The following PCDH15 variants were observed in gnomAD, a reference collection of about 807,000 sequenced individuals.
The protein encoded by PCDH15 is protocadherin related 15.
PCDH15 carries 129 observed loss-of-function variants against 178.5 expected under a neutral mutation model. The observed-to-expected ratio is 0.72, with a 90% CI of 0.63 to 0.84. The LOEUF is 0.84. Among genes scored for constraint, PCDH15 ranks in the 40% least tolerant of loss-of-function variants. The probability of loss-of-function intolerance (pLI) is 0.00; values close to 1 mark genes in which losing one functional copy is unlikely to be tolerated. For missense variants in PCDH15, 2,230 were observed against 2,099.9 expected, an observed-to-expected ratio of 1.06 and a Z score of -1.21; for synonymous variants, 800 against 732.0, an observed-to-expected ratio of 1.09 and a Z score of -1.50.
At chr10:54,593,690 T>C (rs2092028328) in intron 2 of PCDH15, among the ~76,000 whole-genome samples, 1 of 152,136 alleles carries the variant, frequency 6.6e-6, no homozygotes, top group South Asian at 2.1e-4. Context: ...TTTTAGAATT[T>C]TTTTTCCTAT....
chr10:53,831,232 C>G, intron 30 of PCDH15, 83 bp downstream of exon 30: 1 of 1,263,182 alleles, frequency 7.9e-7, no homozygotes, highest in South Asian at 1.2e-5. Context: ...CAATATTTTA[C>G]AACGCAAAGC....
intron 2 of PCDH15, among the ~76,000 whole-genome samples, chr10:55,159,377 A>C (rs376509744): frequency 1.5e-4 from 1 of 6,760 alleles, no homozygotes. Context: ...ATCTATATAT[A>C]TATATATATA....
intron 21 of PCDH15, among the ~76,000 whole-genome samples, chr10:53,963,999 C>T (rs1299170798): frequency 6.6e-6 from 1 of 152,148 alleles, no homozygotes; most frequent in Non-Finnish European, 1.5e-5. Flanking sequence ...TTTGCCTACT[C>T]ATCTGATTTC....
At chr10:53,853,100 C>T (rs887667995) in intron 28 of PCDH15, among the ~76,000 whole-genome samples, 1 of 151,736 alleles carries the variant, frequency 6.6e-6, no homozygotes. Flanking sequence ...AGAAATATTT[C>T]TGCTTAAGAA....
At chr10:54,099,093 C>A in intron 15 of PCDH15, among the ~76,000 whole-genome samples, 1 of 152,222 alleles carries the variant, frequency 6.6e-6, no homozygotes, top group South Asian at 2.1e-4. Flanking sequence ...TAGATAAAAA[C>A]CAGATATGTA....
intron 2 of PCDH15, among the ~76,000 whole-genome samples, chr10:55,388,898 C>A (rs1326562737): frequency 6.6e-6 from 1 of 151,964 alleles, no homozygotes; most frequent in Admixed American, 6.6e-5. Context: ...AATTTGCAAG[C>A]CATATTGGGG....
chr10:53,958,435 TAA>T (rs1358227639), intron 23 of PCDH15, among the ~76,000 whole-genome samples: 2 of 152,200 alleles, frequency 1.3e-5, no homozygotes, highest in African/African-American at 2.4e-5. Context: ...CAAATATAGT[TAA>T]GTGTCCCTTA....
intron 1 of PCDH15, among the ~76,000 whole-genome samples, chr10:54,702,951 T>A (rs945730998): frequency 1.3e-5 from 2 of 151,756 alleles, no homozygotes; most frequent in African/African-American, 4.8e-5. Flanking sequence ...TGGACATAAA[T>A]CCAAAAATCC....
chr10:55,386,734 T>C (rs1025694150), intron 2 of PCDH15, among the ~76,000 whole-genome samples: 1 of 152,088 alleles, frequency 6.6e-6, no homozygotes, highest in Non-Finnish European at 1.5e-5. Context: ...CCAATTATTA[T>C]TAATATAGTA....
At chr10:53,828,301 G>A (rs572925507) in intron 31 of PCDH15, among the ~76,000 whole-genome samples, 2 of 150,246 alleles carry the variant, frequency 1.3e-5, no homozygotes, top group East Asian at 2.0e-4. Context: ...GGATTTCCTG[G>A]ACACTGATTA....
At chr10:55,283,891 T>G (rs1842798141) in intron 1 of PCDH15, among the ~76,000 whole-genome samples, 1 of 151,916 alleles carries the variant, frequency 6.6e-6, no homozygotes, top group Non-Finnish European at 1.5e-5. Context: ...TAAAAAGTTG[T>G]TATAGCTGTC....
At position 54,787,279 on chromosome 10, in the gene PCDH15, A is replaced by AC. The variant is rs1407473932; in HGVS notation, c.-29+13645_-29+13646insG. 2.0e-5 allele frequency among the ~76,000 whole-genome samples: 3 copies of AC among 151,876 alleles called. No homozygotes were observed. In the South Asian group the frequency reaches 6.2e-4, roughly 32 times the overall value. On this transcript the variant is annotated intron_variant, in intron 1 of 37. Coordinates refer to ENST00000644397, the MANE Select transcript of PCDH15 (RefSeq NM_001384140.1). ...TACATAAAGATAAAAAGGAAAAAAAAACAATTTTTACAAAAATCATCTTAA... is the reference window on the plus strand; with the variant it reads ...TACATAAAGATAAAAAGGAAAAAAAACACAATTTTTACAAAAATCATCTTAA...
chr10:55,588,249 A>G (rs1231187333), intron 2 of PCDH15, among the ~76,000 whole-genome samples: 2 of 152,144 alleles, frequency 1.3e-5, no homozygotes, highest in South Asian at 2.1e-4. Context: ...ATTCCAGAAA[A>G]TAAGTTGCTG....
chr10:54,566,368 AG>A (rs1391427253), intron 2 of PCDH15, among the ~76,000 whole-genome samples: 2 of 152,146 alleles, frequency 1.3e-5, no homozygotes, highest in Non-Finnish European at 2.9e-5. Context: ...AGTTTATATT[AG>A]GGTTTATTCT....
intron 2 of PCDH15, among the ~76,000 whole-genome samples, chr10:55,521,424 G>A (rs1841173075): frequency 6.6e-6 from 1 of 151,946 alleles, no homozygotes; most frequent in East Asian, 1.9e-4. Context: ...TTCACATTAC[G>A]ATTTTTTTTT....
chr10:54,913,333 A>G (rs1954849360), intron 2 of PCDH15, among the ~76,000 whole-genome samples: 1 of 152,010 alleles, frequency 6.6e-6, no homozygotes, highest in African/African-American at 2.4e-5. Flanking sequence ...CATCGCAGCC[A>G]CTCCAGGTCC....
intron 1 of PCDH15, among the ~76,000 whole-genome samples, chr10:55,277,529 T>C (rs1304085706): frequency 6.6e-6 from 1 of 152,024 alleles, no homozygotes; most frequent in East Asian, 1.9e-4. Context: ...ATTCAAGTAG[T>C]GAAAAAGAAC....
intron 2 of PCDH15, among the ~76,000 whole-genome samples, chr10:55,467,754 A>G (rs1397709853): frequency 6.6e-6 from 1 of 151,850 alleles, no homozygotes; most frequent in Non-Finnish European, 1.5e-5. Flanking sequence ...TCATGAGGTC[A>G]GGAGATCGAG....
At chr10:55,352,820 C>A (rs1454860005) in intron 2 of PCDH15, among the ~76,000 whole-genome samples, 1 of 152,058 alleles carries the variant, frequency 6.6e-6, no homozygotes, top group Non-Finnish European at 1.5e-5. Flanking sequence ...CTTCACAAAG[C>A]CAAACTTGCA....
Sources: allele counts gnomAD v4.1 joint callset (sites outside exome capture counted in the v4.1 genomes callset), GRCh38; gene constraint gnomAD v4.1.1; transcripts MANE v1.5; gene names NCBI Gene and HGNC (gene_info 2026-07-23, HGNC 2026-07-21).